Variants in ELOVL7 observed in about 807,000 individuals in gnomAD.
The protein encoded by ELOVL7 is very long chain fatty acid elongase 7.
ELOVL7 carries 27 observed loss-of-function variants against 35.7 expected under a neutral mutation model. The observed-to-expected ratio is 0.76, with a 90% CI of 0.56 to 1.04. The LOEUF (loss-of-function observed/expected upper bound fraction) is 1.04. ELOVL7 is among the 50% of genes least tolerant of loss of function. The pLI, the probability that ELOVL7 is intolerant of heterozygous loss-of-function variation, is 0.00. For missense variants in ELOVL7, 327 were observed against 340.8 expected, an observed-to-expected ratio of 0.96 and a Z score of 0.32; for synonymous variants, 113 against 114.6, an observed-to-expected ratio of 0.99 and a Z score of 0.09.
chr5:60,822,123 TAAG>T (rs1030636443), intron 1 of ELOVL7, among the ~76,000 whole-genome samples: 7 of 152,224 alleles, frequency 4.6e-5, no homozygotes, highest in Non-Finnish European at 1.0e-4. Context: ...GTGTGAATGA[TAAG>T]AAGGCTTTGT....
chr5:60,786,669 G>A (rs771087184), intron 3 of ELOVL7, among the ~76,000 whole-genome samples: 76 of 152,078 alleles, frequency 5.0e-4, no homozygotes, highest in Non-Finnish European at 4.0e-4. Context: ...GGCAGTGGCC[G>A]GGCACAGTGG....
At chr5:60,788,219 A>G (rs1216265845) in intron 2 of ELOVL7, among the ~76,000 whole-genome samples, 1 of 152,170 alleles carries the variant, frequency 6.6e-6, no homozygotes, top group Non-Finnish European at 1.5e-5. Flanking sequence ...CCTAAGATGT[A>G]TATTTTACCG....
intron 1 of ELOVL7, among the ~76,000 whole-genome samples, chr5:60,832,716 C>T (rs1157112443): frequency 2.0e-5 from 3 of 152,124 alleles, no homozygotes; most frequent in Admixed American, 2.0e-4. Flanking sequence ...ACTAACTCTC[C>T]ATTAACCTTC....
chr5:60,841,398 A>C (rs1167769025), intron 1 of ELOVL7, among the ~76,000 whole-genome samples: 3 of 152,214 alleles, frequency 2.0e-5, no homozygotes, highest in Non-Finnish European at 2.9e-5. Context: ...AGACAAAGGC[A>C]ACCTGGTTAA....
chr5:60,842,876 G>T (rs948917864), intron 1 of ELOVL7, among the ~76,000 whole-genome samples: 1 of 149,160 alleles, frequency 6.7e-6, no homozygotes, highest in African/African-American at 2.4e-5. Flanking sequence ...TCAGTGCCTG[G>T]CACCTAAGCA....
chr5:60,831,839 C>T (rs969800160), intron 1 of ELOVL7, among the ~76,000 whole-genome samples: 2 of 152,102 alleles, frequency 1.3e-5, no homozygotes, highest in Non-Finnish European at 2.9e-5. Flanking sequence ...TCAATATAAG[C>T]TCCGGGCTAA....
intron 3 of ELOVL7, among the ~76,000 whole-genome samples, chr5:60,777,034 G>A (rs1040563416): frequency 6.8e-6 from 1 of 146,218 alleles, no homozygotes; most frequent in South Asian, 2.3e-4. Flanking sequence ...TATGTGGGAT[G>A]TAAGAATCAA....
intron 1 of ELOVL7, among the ~76,000 whole-genome samples, chr5:60,839,452 GAAT>G (rs1330808218): frequency 6.6e-6 from 1 of 152,146 alleles, no homozygotes; most frequent in Non-Finnish European, 1.5e-5. Flanking sequence ...AATCAATTAG[GAAT>G]AATGGAAATT....
intron 1 of ELOVL7, among the ~76,000 whole-genome samples, chr5:60,834,023 A>G (rs1317711108): frequency 2.6e-5 from 4 of 152,372 alleles, no homozygotes; most frequent in African/African-American, 9.6e-5. Flanking sequence ...TCAGCTTAAT[A>G]ACACTAATAA....
intron 7 of ELOVL7, among the ~76,000 whole-genome samples, chr5:60,761,558 A>C (rs1384014450): frequency 2.6e-5 from 4 of 152,186 alleles, no homozygotes; most frequent in African/African-American, 9.7e-5. Context: ...ACTCTATCAA[A>C]GTAACTCTTT....
chr5:60,827,384 C>A (rs2112372282), intron 1 of ELOVL7, among the ~76,000 whole-genome samples: 1 of 152,222 alleles, frequency 6.6e-6, no homozygotes, highest in South Asian at 2.1e-4. Flanking sequence ...AGCTGAACAT[C>A]AACAAACAAA....
chr5:60,805,815 T>C (rs1391548080), intron 1 of ELOVL7, among the ~76,000 whole-genome samples: 1 of 152,194 alleles, frequency 6.6e-6, no homozygotes, highest in African/African-American at 2.4e-5. Context: ...TCTATTCTTA[T>C]CTTTTCTACT....
chr5:60,781,205 T>A (rs1325817876), intron 3 of ELOVL7, among the ~76,000 whole-genome samples: 1 of 143,818 alleles, frequency 7.0e-6, no homozygotes, highest in Non-Finnish European at 1.5e-5. Flanking sequence ...AGTAAGACCC[T>A]GTCTCAGAAA....
intron 1 of ELOVL7, among the ~76,000 whole-genome samples, chr5:60,803,153 GCAA>G (rs1387264477): frequency 1.3e-5 from 2 of 152,066 alleles, no homozygotes; most frequent in Non-Finnish European, 2.9e-5. Context: ...ACTGAAAACA[GCAA>G]CAACAACAAC....
intron 2 of ELOVL7, among the ~76,000 whole-genome samples, chr5:60,795,931 CTT>C (rs1744232911): frequency 1.3e-5 from 2 of 152,232 alleles, no homozygotes; most frequent in Admixed American, 6.5e-5. Flanking sequence ...GAACAAAAGG[CTT>C]GCCGCCATCT....
chr5:60,759,968 T>A (rs1200337140), intron 7 of ELOVL7, among the ~76,000 whole-genome samples: 1 of 152,202 alleles, frequency 6.6e-6, no homozygotes, highest in African/African-American at 2.4e-5. Flanking sequence ...GGACATGAAC[T>A]CATCAATTTT....
chr5:60,797,961 C>T (rs185035769), intron 2 of ELOVL7, among the ~76,000 whole-genome samples: 1 of 152,322 alleles, frequency 6.6e-6, no homozygotes, highest in African/African-American at 2.4e-5. Context: ...AGAATGCAAG[C>T]AACCCTTTGT....
At chr5:60,761,203 T>C (rs1450009969) in intron 7 of ELOVL7, among the ~76,000 whole-genome samples, 1 of 152,120 alleles carries the variant, frequency 6.6e-6, no homozygotes, top group Non-Finnish European at 1.5e-5. Flanking sequence ...TTTACTCCTT[T>C]GGAAAAAACA....
chr5:60,801,900 G>A (rs1219680882), intron 1 of ELOVL7, among the ~76,000 whole-genome samples: 2 of 151,652 alleles, frequency 1.3e-5, no homozygotes, highest in African/African-American at 4.8e-5. Context: ...GGGCTCTCAG[G>A]CCTTTGGCCT....
Sources: gnomAD v4.1 joint callset for allele counts (sites outside exome capture counted in the v4.1 genomes callset) on GRCh38, gnomAD v4.1.1 for gene constraint, MANE v1.5 for transcripts, NCBI Gene and HGNC (gene_info 2026-07-23, HGNC 2026-07-21) for gene names.